The following ZCCHC7 variants were observed in gnomAD, a reference collection of about 807,000 sequenced individuals.
ZCCHC7 encodes zinc finger CCHC-type containing 7, also known as zinc finger CCHC domain-containing protein 7.
In ZCCHC7, 35 loss-of-function variants were observed where a neutral mutation model predicts 52.0. The ratio of observed to expected loss-of-function variants is 0.67; its 90% CI spans 0.51 to 0.89. ZCCHC7 has a LOEUF of 0.89. Ranked by LOEUF, ZCCHC7 falls within the 40% of genes least tolerant of loss-of-function variation. The pLI is 0.00. For synonymous variants in ZCCHC7, 217 were observed against 221.5 expected, an observed-to-expected ratio of 0.98 and a Z score of 0.18; for missense variants, 574 against 649.1, an observed-to-expected ratio of 0.88 and a Z score of 1.26.
At chr9:37,206,872 G>A (rs74840389) in intron 2 of ZCCHC7, among the ~76,000 whole-genome samples, 7,586 of 151,876 alleles carry the variant, frequency 0.05, 624 homozygotes, top group African/African-American at 0.17. Flanking sequence ...ATGTCTGTGT[G>A]TCTAAAAGTG....
chr9:37,161,458 C>G (rs1821100265), intron 2 of ZCCHC7, among the ~76,000 whole-genome samples: 1 of 151,964 alleles, frequency 6.6e-6, no homozygotes, highest in Admixed American at 6.6e-5. Flanking sequence ...TCCTGTAGTC[C>G]CAGCTACTCG....
At chr9:37,258,470 T>G (rs1429342771) in intron 2 of ZCCHC7, among the ~76,000 whole-genome samples, 1 of 152,064 alleles carries the variant, frequency 6.6e-6, no homozygotes, top group East Asian at 1.9e-4. Flanking sequence ...AAAATTATTC[T>G]AAGGAGCCAG....
intron 2 of ZCCHC7, among the ~76,000 whole-genome samples, chr9:37,301,901 C>G (rs371603702): frequency 1.3e-5 from 2 of 152,088 alleles, no homozygotes; most frequent in Non-Finnish European, 2.9e-5. Flanking sequence ...TGATGCTTTT[C>G]AATGTATTTT....
At chr9:37,129,907 A>C (rs998439782) in intron 2 of ZCCHC7, among the ~76,000 whole-genome samples, 1 of 152,178 alleles carries the variant, frequency 6.6e-6, no homozygotes, top group African/African-American at 2.4e-5. Flanking sequence ...GGGTATAAGT[A>C]ATGCTGAGGT....
At chr9:37,130,334 C>CTTTTTTTTTT (rs34589957) in intron 2 of ZCCHC7, among the ~76,000 whole-genome samples, 1 of 63,100 alleles carries the variant, frequency 1.6e-5, no homozygotes, top group Non-Finnish European at 2.9e-5. Flanking sequence ...GAATTCTCTC[C>CTTTTTTTTTT]TTTTTTTTTT....
At chr9:37,120,450 C>G (rs553785334), upstream of ZCCHC7, 58 of 397,334 alleles carry the variant, frequency 1.5e-4, 1 homozygote, top group South Asian at 3.2e-3. Context: ...GCACATCAGG[C>G]GCGGCAGGTG....
intron 2 of ZCCHC7, among the ~76,000 whole-genome samples, chr9:37,212,055 A>G (rs1025757503): frequency 1.5e-5 from 2 of 135,382 alleles, no homozygotes; most frequent in African/African-American, 5.5e-5. Context: ...AAAAAAAAAA[A>G]AAAAAAAAAA....
intron 5 of ZCCHC7, among the ~76,000 whole-genome samples, chr9:37,312,561 G>A (rs1330351090): frequency 3.9e-5 from 6 of 152,216 alleles, no homozygotes; most frequent in Middle Eastern, 3.2e-3. Flanking sequence ...GACCTAAGAA[G>A]GGAGCCAAGT....
chr9:37,126,544 A>T lies in ZCCHC7; in HGVS notation c.212A>T (p.Gln71Leu). 6.2e-7 allele frequency: 1 copy of T among 1,614,162 alleles called. No individual in the cohort carries two copies. The highest frequency in any genetic ancestry group is 2.2e-5 in the East Asian group (1 of 44,878). Residue 71 changes from glutamine (Q) to leucine (L), a missense_variant, in exon 2 of 9, where the codon CAG (glutamine) becomes CTG (leucine). Gln to Leu is a moderately radical substitution (Grantham distance 113). This residue lies in a region of ZCCHC7 where 403 missense variants were observed against 461.2 expected (regional missense o/e 0.87). Transcript: ENST00000336755. ...NSESSSSKPN[Q>L]KKLIVLSDSE... ...GAATCTTCGAGTAGTAAACCAAATC[A>T]GAAGAAGCTAATCGTCCTTTCAGAT...
intron 2 of ZCCHC7, among the ~76,000 whole-genome samples, chr9:37,244,109 C>T (rs1825985062): frequency 6.6e-6 from 1 of 151,080 alleles, no homozygotes; most frequent in African/African-American, 2.4e-5. Context: ...TGGTTGCTGC[C>T]CAGCTCGACT....
At chr9:37,247,689 G>T (rs887600137) in intron 2 of ZCCHC7, among the ~76,000 whole-genome samples, 1 of 152,036 alleles carries the variant, frequency 6.6e-6, no homozygotes, top group Non-Finnish European at 1.5e-5. Context: ...TAGGAGAATT[G>T]CATTAGCCCA....
chr9:37,254,410 T>C (rs967294998), intron 2 of ZCCHC7, among the ~76,000 whole-genome samples: 1 of 151,948 alleles, frequency 6.6e-6, no homozygotes, highest in Admixed American at 6.6e-5. Context: ...TTTATATTGG[T>C]TTGAATCTCA....
chr9:37,294,576 GT>G (rs1828694866), intron 2 of ZCCHC7, among the ~76,000 whole-genome samples: 1 of 152,090 alleles, frequency 6.6e-6, no homozygotes, highest in Admixed American at 6.5e-5. Context: ...GAAATTGTAA[GT>G]TTTTTCCCTA....
intron 2 of ZCCHC7, among the ~76,000 whole-genome samples, chr9:37,128,061 C>A (rs1043261766): frequency 6.6e-6 from 1 of 152,152 alleles, no homozygotes; most frequent in Non-Finnish European, 1.5e-5. Flanking sequence ...TAGGACAGAA[C>A]AGAATCGCGT....
chr9:37,148,192 T>C (rs1014573364), intron 2 of ZCCHC7, among the ~76,000 whole-genome samples: 1 of 152,158 alleles, frequency 6.6e-6, no homozygotes, highest in Non-Finnish European at 1.5e-5. Flanking sequence ...ATATATTTGA[T>C]ATGTATTCAT....
intron 6 of ZCCHC7, chr9:37,333,795 T>C (rs1830539287): frequency 6.6e-6 from 1 of 151,826 alleles, no homozygotes; most frequent in South Asian, 2.1e-4. Context: ...TAAAAATCTT[T>C]TTTAAAACCC....
At chr9:37,140,954 A>G (rs891036932) in intron 2 of ZCCHC7, among the ~76,000 whole-genome samples, 6 of 152,050 alleles carry the variant, frequency 3.9e-5, no homozygotes, top group Non-Finnish European at 7.4e-5. Context: ...TCTTTTAGAT[A>G]TATCACATAC....
At chr9:37,351,801 A>C (rs1244915372) in intron 7 of ZCCHC7, among the ~76,000 whole-genome samples, 2 of 152,214 alleles carry the variant, frequency 1.3e-5, no homozygotes, top group Non-Finnish European at 2.9e-5. Flanking sequence ...TAATTTTAGC[A>C]TTTATGTTTG....
chr9:37,120,533 C>G, upstream of ZCCHC7: 1 of 399,102 alleles, frequency 2.5e-6, no homozygotes, highest in Non-Finnish European at 4.4e-6. Context: ...TCTGCGCGGA[C>G]GCGGCCTCCT....
Sources: allele counts gnomAD v4.1 joint callset (sites outside exome capture counted in the v4.1 genomes callset), GRCh38; gene constraint gnomAD v4.1.1; regional missense constraint gnomAD v4.1.1; transcripts MANE v1.5; gene names NCBI Gene and HGNC (gene_info 2026-07-23, HGNC 2026-07-21).